GAS7: variants seen among roughly 807,000 people sequenced by gnomAD.
GAS7 encodes the protein growth arrest specific 7.
In GAS7, 28 loss-of-function variants were observed where a neutral mutation model predicts 71.1. That is an observed-to-expected ratio of 0.39 (90% confidence interval 0.29 to 0.54). The LOEUF (loss-of-function observed/expected upper bound fraction) is 0.54. Among genes scored for constraint, GAS7 ranks in the 20% least tolerant of loss-of-function variants. GAS7 has a pLI of 0.62. For synonymous variants in GAS7, 258 were observed against 245.8 expected (o/e 1.05, Z -0.46); for missense variants, 436 against 627.8 (o/e 0.69, Z 3.27).
chr17:9,947,764 CAA>C (rs11401652), intron 5 of GAS7, among the ~76,000 whole-genome samples: 9 of 94,920 alleles, frequency 9.5e-5, no homozygotes, highest in Admixed American at 2.4e-4. Flanking sequence ...AACTATGTCT[CAA>C]AAAAAAAAAA....
chr17:10,054,044 A>G (rs1160953506), intron 1 of GAS7, among the ~76,000 whole-genome samples: 1 of 152,180 alleles, frequency 6.6e-6, no homozygotes, highest in Non-Finnish European at 1.5e-5. Context: ...CTCCACTTTG[A>G]GAATCACTAG....
intron 1 of GAS7, among the ~76,000 whole-genome samples, chr17:10,129,700 T>G (rs745973856): frequency 2.0e-5 from 3 of 152,140 alleles, no homozygotes; most frequent in Non-Finnish European, 4.4e-5. Context: ...CCAAAGGACA[T>G]CATTAAGAAA....
chr17:10,121,367 C>T (rs1159418308), intron 1 of GAS7, among the ~76,000 whole-genome samples: 1 of 152,048 alleles, frequency 6.6e-6, no homozygotes. Context: ...GGCAACAGAG[C>T]AAGACTCTGC....
chr17:9,991,968 G>C (rs2070860120), intron 2 of GAS7, among the ~76,000 whole-genome samples: 1 of 152,156 alleles, frequency 6.6e-6, no homozygotes. Flanking sequence ...TCCCAATCCA[G>C]TTACTCACCA....
intron 9 of GAS7, among the ~76,000 whole-genome samples, chr17:9,931,054 A>G (rs1248265985): frequency 6.6e-6 from 1 of 152,188 alleles, no homozygotes; most frequent in East Asian, 1.9e-4. Context: ...CTGGAAAGGC[A>G]CAGGCTCAAG....
intron 12 of GAS7, among the ~76,000 whole-genome samples, chr17:9,918,754 C>T (rs1295137373): frequency 6.6e-6 from 1 of 152,226 alleles, no homozygotes; most frequent in Non-Finnish European, 1.5e-5. Flanking sequence ...GGTTTGTCCT[C>T]TGGTTTCTAG....
At chr17:9,984,041 A>T (rs1017054308) in intron 2 of GAS7, among the ~76,000 whole-genome samples, 2 of 152,198 alleles carry the variant, frequency 1.3e-5, no homozygotes, top group Non-Finnish European at 2.9e-5. Context: ...TACCAATACC[A>T]AAGGCCCACA....
chr17:9,952,892 T>C (rs1171761264), intron 5 of GAS7, among the ~76,000 whole-genome samples: 1 of 151,922 alleles, frequency 6.6e-6, no homozygotes, highest in Non-Finnish European at 1.5e-5. Context: ...TTATACACAG[T>C]TGGAGGGAGC....
chr17:10,012,073 G>A (rs1387463748), intron 2 of GAS7, among the ~76,000 whole-genome samples: 1 of 150,632 alleles, frequency 6.6e-6, no homozygotes, highest in Non-Finnish European at 1.5e-5. Flanking sequence ...AGTATAAAAA[G>A]ATTAATAAAT....
At chr17:10,064,782 G>A (rs2073263184) in intron 1 of GAS7, among the ~76,000 whole-genome samples, 1 of 152,186 alleles carries the variant, frequency 6.6e-6, no homozygotes, top group African/African-American at 2.4e-5. Context: ...ATCAAACCAT[G>A]CCTGAAGCTG....
At chr17:10,140,384 TC>T (rs1243639043) in intron 1 of GAS7, among the ~76,000 whole-genome samples, 2 of 151,944 alleles carry the variant, frequency 1.3e-5, no homozygotes, top group African/African-American at 2.4e-5. Context: ...ATCATTTGAG[TC>T]CGGGGGTTGA....
rs369782633 is a variant in GAS7, at chr17:9,959,289, G to C, written c.472-34C>G. 23 of 1,613,860 alleles carry C rather than the reference G, an allele frequency of 1.4e-5. No homozygotes were observed. In the African/African-American group the frequency reaches 3.1e-4, roughly 22 times the overall value. On this transcript the variant is annotated intron_variant, in intron 4 of 13. Transcript: ENST00000432992. The surrounding 1 kb of genome is among the most constrained non-coding windows in gnomAD (Gnocchi z 5.0). ...AGAGGCAAGAAACATCGTCAAAGCT[G>C]TTCTCCATATTGGACATTTTTTCCC...
intron 1 of GAS7, among the ~76,000 whole-genome samples, chr17:10,154,556 T>A (rs1376058987): frequency 1.3e-5 from 2 of 151,632 alleles, no homozygotes; most frequent in African/African-American, 2.4e-5. Context: ...CTGACGCTTG[T>A]AATCCCATCA....
intron 2 of GAS7, among the ~76,000 whole-genome samples, chr17:10,001,114 C>T (rs543933882): frequency 6.6e-6 from 1 of 152,304 alleles, no homozygotes; most frequent in African/African-American, 2.4e-5. Flanking sequence ...CATAAGACCA[C>T]TTGTTTAACG....
At chr17:10,039,937 C>A in intron 1 of GAS7, 1 of 321,882 alleles carries the variant, frequency 3.1e-6, no homozygotes, top group African/African-American at 2.2e-5. Flanking sequence ...CTCTTACATG[C>A]CTGACAGCAG....
At chr17:10,110,294 C>T (rs1295130046) in intron 1 of GAS7, among the ~76,000 whole-genome samples, 1 of 151,862 alleles carries the variant, frequency 6.6e-6, no homozygotes, top group Non-Finnish European at 1.5e-5. Context: ...ATAAGCCAGG[C>T]ATAGAAAGAC....
intron 1 of GAS7, among the ~76,000 whole-genome samples, chr17:10,065,486 G>A (rs544714870): frequency 1.6e-4 from 25 of 152,278 alleles, no homozygotes; most frequent in South Asian, 1.0e-3. Context: ...CCTGGTAGCC[G>A]CTGGCATTCC....
chr17:10,023,503 A>G (rs2072348168), intron 1 of GAS7, among the ~76,000 whole-genome samples: 1 of 152,002 alleles, frequency 6.6e-6, no homozygotes, highest in Non-Finnish European at 1.5e-5. Context: ...TTATTCAGAA[A>G]TTAAAAAAAA....
chr17:10,103,053 G>T lies in GAS7; in HGVS notation c.184-83156C>A, dbSNP rs1290086076. The stretch of plus-strand genomic sequence containing the variant: ...GAAGCTTGTTAGAAATGCAGAATCT[G>T]CATTTTAACAAACCCTGACCGGACG... On this transcript the variant is annotated intron_variant, in intron 1 of 13. Transcript: ENST00000432992. The surrounding 1 kb of genome is among the most constrained non-coding windows in gnomAD (Gnocchi z 5.5). Among the ~76,000 whole-genome samples, 4 of 152,134 alleles carry T rather than the reference G, an allele frequency of 2.6e-5. No individual in the cohort carries two copies. In the South Asian group the frequency reaches 8.3e-4, roughly 32 times the overall value.
Sources: allele counts gnomAD v4.1 joint callset (sites outside exome capture counted in the v4.1 genomes callset), GRCh38; gene constraint gnomAD v4.1.1; non-coding constraint Gnocchi (gnomAD v3.1); transcripts MANE v1.5; gene names NCBI Gene and HGNC (gene_info 2026-07-23, HGNC 2026-07-21).